The following PARM1 variants were observed in gnomAD, a reference collection of about 807,000 sequenced individuals.
PARM1 encodes the protein WSC4, cell wall integrity and stress response component 4 homolog.
In PARM1, 14 loss-of-function variants were observed where a neutral mutation model predicts 24.6. The observed-to-expected ratio is 0.57, with a 90% confidence interval of 0.38 to 0.89. The LOEUF is 0.89. Among genes scored for constraint, PARM1 ranks in the 40% least tolerant of loss-of-function variants. The probability of loss-of-function intolerance (pLI) is 0.00; values close to 1 mark genes in which losing one functional copy is unlikely to be tolerated. For synonymous variants in PARM1, 179 were observed against 156.6 expected, an observed-to-expected ratio of 1.14 and a Z score of -1.07; for missense variants, 362 against 380.4, an observed-to-expected ratio of 0.95 and a Z score of 0.40.
intron 2 of PARM1, among the ~76,000 whole-genome samples, chr4:75,018,337 C>T (rs1243681833): frequency 6.6e-6 from 1 of 152,102 alleles, no homozygotes; most frequent in Admixed American, 6.5e-5. Flanking sequence ...ACTTTCTAGG[C>T]CATTTATAGT....
chr4:75,016,801 C>T (rs542565416), intron 2 of PARM1, among the ~76,000 whole-genome samples: 1 of 152,198 alleles, frequency 6.6e-6, no homozygotes, highest in Admixed American at 6.5e-5. Context: ...GTCACTCCTG[C>T]GTGGATGACT....
chr4:75,006,660 T>A (rs1191626434), intron 1 of PARM1, among the ~76,000 whole-genome samples: 2 of 152,194 alleles, frequency 1.3e-5, no homozygotes, highest in Non-Finnish European at 2.9e-5. Flanking sequence ...ACATACCCAG[T>A]AATGGGATGG....
chr4:74,937,544 A>G (rs919139496), intron 1 of PARM1, among the ~76,000 whole-genome samples: 19 of 152,180 alleles, frequency 1.2e-4, no homozygotes, highest in Admixed American at 1.2e-3. Context: ...ACCACTCTGC[A>G]TTTTTTTATC....
chr4:74,983,599 G>A (rs1295475312), intron 1 of PARM1, among the ~76,000 whole-genome samples: 1 of 152,168 alleles, frequency 6.6e-6, no homozygotes, highest in African/African-American at 2.4e-5. Context: ...AGCTTCTGCA[G>A]CCCATGGCTC....
chr4:74,946,213 A>G (rs1256993638), intron 1 of PARM1, among the ~76,000 whole-genome samples: 1 of 152,206 alleles, frequency 6.6e-6, no homozygotes, highest in Non-Finnish European at 1.5e-5. Context: ...ACAGAACTGG[A>G]CTAGACGTTG....
At chr4:74,943,520 C>T (rs1721353429) in intron 1 of PARM1, among the ~76,000 whole-genome samples, 1 of 151,920 alleles carries the variant, frequency 6.6e-6, no homozygotes, top group Admixed American at 6.5e-5. Context: ...ATGAGTCAGG[C>T]CTTTAGTCTT....
In PARM1 at chr4:75,046,297, G is replaced by A. The variant is rs754751449; in HGVS notation, c.*50G>A. The A allele has an allele frequency of 1.7e-6, 2 of 1,199,866 alleles. No individual in the cohort carries two copies. Among genetic ancestry groups the A allele is most frequent in the South Asian group, 2.5e-5 (2 of 80,600 alleles). 74.3% of individuals were successfully genotyped at this position (1,199,866 alleles called of 1,614,324 possible). A position where few individuals can be genotyped will look rare whatever the true frequency, so the allele number is the denominator to read the frequency against. On this transcript the variant is annotated 3_prime_UTR_variant, in exon 4 of 4. Transcript: ENST00000307428. Reference sequence around the variant, plus strand: ...GATTAACTGTTCTTTATTTATAAGTGCTTATCCAGTAGAATTAATAAGTAC... The same window carrying A: ...GATTAACTGTTCTTTATTTATAAGTACTTATCCAGTAGAATTAATAAGTAC...
At chr4:74,975,011 C>T (rs918967219) in intron 1 of PARM1, among the ~76,000 whole-genome samples, 4 of 152,186 alleles carry the variant, frequency 2.6e-5, no homozygotes, top group Non-Finnish European at 2.9e-5. Context: ...TTAAGCCACA[C>T]AGTCTGTGGC....
At chr4:74,976,768 C>A (rs1457206452) in intron 1 of PARM1, among the ~76,000 whole-genome samples, 4 of 152,200 alleles carry the variant, frequency 2.6e-5, no homozygotes, top group Admixed American at 1.3e-4. Flanking sequence ...GTTTGCTGTT[C>A]TGCAGTCTCC....
rs563739721 is a variant in PARM1 at position 75,048,180 on chromosome 4, T to A, written c.*1933T>A. The stretch of plus-strand genomic sequence containing the variant: ...AGAGACAGTAGGGGCAGTGCCACTT[T>A]CTACAACCTGCCAACCCACACACTG... On this transcript the variant is annotated 3_prime_UTR_variant, in exon 4 of 4. Coordinates refer to ENST00000307428, the MANE Select transcript of PARM1 (RefSeq NM_015393.4). 1 of 152,236 alleles carries A rather than the reference T, an allele frequency of 6.6e-6. No individual in the cohort carries two copies. Among genetic ancestry groups the A allele is most frequent in the Admixed American group, 6.5e-5 (1 of 15,306 alleles). 9.4% of individuals were successfully genotyped at this position (152,236 alleles called of 1,614,324 possible). A position where few individuals can be genotyped will look rare whatever the true frequency, so the allele number is the denominator to read the frequency against.
rs540130587 is a variant in PARM1, at chr4:75,011,807, C to G, written c.44-618C>G. ...CTAGCTTTTATTCTGGGACCTCTCC[C>G]TTTTTCTTTCTCTGCAGGAAATGTG... is the stretch of plus-strand genomic sequence containing the variant. On this transcript the variant is annotated intron_variant, in intron 1 of 3. Transcript: ENST00000307428. Among the ~76,000 whole-genome samples, 6 of 152,276 alleles carry G rather than the reference C, an allele frequency of 3.9e-5. No homozygotes were observed. In the East Asian group the frequency reaches 1.2e-3, roughly 29 times the overall value.
chr4:75,001,068 A>G (rs1181563633), intron 1 of PARM1, among the ~76,000 whole-genome samples: 1 of 152,186 alleles, frequency 6.6e-6, no homozygotes, highest in Non-Finnish European at 1.5e-5. Flanking sequence ...TGTAAGATGG[A>G]GATATAATAT....
intron 3 of PARM1, among the ~76,000 whole-genome samples, chr4:75,038,856 T>A (rs1723420251): frequency 2.6e-5 from 4 of 152,212 alleles, no homozygotes. Flanking sequence ...GGAGACCGTA[T>A]CTGCTAAGAC....
In PARM1 at chr4:74,943,134, TA is replaced by T. The variant is rs200984337; in HGVS notation, c.43+9768del. ...ATGAGACTTACCCTGACCGACCTCT[TA>T]AAATTGTAGTCTGTTCCACTTGCCA... On this transcript the variant is annotated intron_variant, in intron 1 of 3. Transcript: ENST00000307428. Among the ~76,000 whole-genome samples, 1,272 of 152,322 alleles carry T rather than the reference TA, an allele frequency of 8.4e-3. 8 individuals carry two copies. The highest frequency in any genetic ancestry group is 0.027 in the Middle Eastern group (8 of 294).
chr4:75,022,877 C>A (rs1006159653), intron 2 of PARM1, among the ~76,000 whole-genome samples: 2 of 152,170 alleles, frequency 1.3e-5, no homozygotes, highest in Non-Finnish European at 2.9e-5. Context: ...AGAGTCAAGT[C>A]AGGAATATTG....
intron 1 of PARM1, among the ~76,000 whole-genome samples, chr4:74,940,119 C>T (rs1304320052): frequency 6.6e-6 from 1 of 152,118 alleles, no homozygotes; most frequent in Non-Finnish European, 1.5e-5. Flanking sequence ...GAGGTTAGAA[C>T]ACCTTATATT....
rs539389674 is a variant in PARM1 at position 75,049,928 on chromosome 4, A to T, written c.*3681A>T. The stretch of plus-strand genomic sequence containing the variant: ...ACTTTGATTTTAATAGTGCTAGTTG[A>T]TATTGGTAATAATGCTAACCAAGAG... On this transcript the variant is annotated 3_prime_UTR_variant, in exon 4 of 4. Coordinates refer to ENST00000307428, the MANE Select transcript of PARM1 (RefSeq NM_015393.4). 2 of 143,488 alleles carry T rather than the reference A, an allele frequency of 1.4e-5. No individual in the cohort carries two copies. The highest frequency in any genetic ancestry group is 5.5e-5 in the African/African-American group (2 of 36,474). The allele number at this position is 143,488 out of a possible 1,614,324, so 8.9% of individuals were successfully genotyped here. A position where few individuals can be genotyped will look rare whatever the true frequency, so the allele number is the denominator to read the frequency against.
chr4:75,000,783 T>C (rs1722666435), intron 1 of PARM1, among the ~76,000 whole-genome samples: 1 of 152,236 alleles, frequency 6.6e-6, no homozygotes, highest in Non-Finnish European at 1.5e-5. Flanking sequence ...AGATGGATTA[T>C]TTATTTAATT....
chr4:74,959,429 A>G (rs1024022006), intron 1 of PARM1, among the ~76,000 whole-genome samples: 14 of 152,176 alleles, frequency 9.2e-5, no homozygotes, highest in African/African-American at 2.7e-4. Context: ...GAGAGTGTCT[A>G]TTGCAAATAC....
Sources: gnomAD v4.1 joint callset for allele counts (sites outside exome capture counted in the v4.1 genomes callset) on GRCh38, gnomAD v4.1.1 for gene constraint, MANE v1.5 for transcripts, NCBI Gene and HGNC (gene_info 2026-07-23, HGNC 2026-07-21) for gene names.